Variants in ZNF774 observed in about 807,000 individuals in gnomAD.
The protein encoded by ZNF774 is zinc finger protein 774.
ZNF774 carries 14 observed loss-of-function variants against 11.1 expected under a neutral mutation model. The ratio of observed to expected loss-of-function variants is 1.26; its 90% CI spans 0.83 to 1.97. The LOEUF is 1.97. Among genes scored for constraint, ZNF774 ranks in the 30% most tolerant of loss-of-function variants. The pLI, the probability that ZNF774 is intolerant of heterozygous loss-of-function variation, is 0.00. For synonymous variants in ZNF774, 195 were observed against 212.6 expected, an observed-to-expected ratio of 0.92 and a Z score of 0.72; for missense variants, 599 against 587.0, an observed-to-expected ratio of 1.02 and a Z score of -0.21.
chr15:90,355,357 T>C (rs996055395), intron 2 of ZNF774: 2 of 456,028 alleles, frequency 4.4e-6, no homozygotes, highest in Non-Finnish European at 8.8e-6. Context: ...CCAGCCTGGG[T>C]TGGACTCTCA....
At chr15:90,354,561 C>G (rs1192284023) in intron 1 of ZNF774, 81 bp from the exon 2 acceptor site, 1 of 877,256 alleles carries the variant, frequency 1.1e-6, no homozygotes, top group Non-Finnish European at 1.8e-6. Context: ...TTTGTGTACA[C>G]TGGTGGCCAT....
intron 2 of ZNF774, among the ~76,000 whole-genome samples, chr15:90,357,531 C>CA (rs765125181): frequency 6.6e-6 from 1 of 151,782 alleles, no homozygotes; most frequent in South Asian, 2.1e-4. Context: ...ACACAAAACA[C>CA]AAAAAAAGAG....
intron 2 of ZNF774, among the ~76,000 whole-genome samples, chr15:90,356,325 C>T (rs1336436127): frequency 6.6e-6 from 1 of 151,888 alleles, no homozygotes; most frequent in Non-Finnish European, 1.5e-5. Context: ...ACTTCGGCCT[C>T]CCAAAGTGCT....
Position 90,360,582 on chromosome 15 carries a change from A to C in ZNF774, c.751A>C (p.Ile251Leu). 1 of 1,614,094 alleles carries C rather than the reference A, an allele frequency of 6.2e-7. No homozygotes were observed. Residue 251 changes from isoleucine (I) to leucine (L), a missense_variant, in exon 4 of 4, where the codon ATA becomes CTA. By Grantham distance (5) the Ile-to-Leu change is conservative. Transcript: ENST00000354377. Reference sequence around the variant, plus strand: ...GACTTTTGGGCGGAAGCCACACCTCATAATGCACCAAAGAACCCACACAGG... The same window carrying C: ...GACTTTTGGGCGGAAGCCACACCTCCTAATGCACCAAAGAACCCACACAGG... Reference protein sequence around the residue: ...GKTFGRKPHLIMHQRTHTGEK... With the variant: ...GKTFGRKPHLLMHQRTHTGEK...
intron 2 of ZNF774, chr15:90,355,377 C>G (rs1434544713): frequency 1.1e-5 from 5 of 455,930 alleles, no homozygotes; most frequent in Non-Finnish European, 2.2e-5. Context: ...ACCTCTGCCA[C>G]TTAACTTCTG....
intron 3 of ZNF774, among the ~76,000 whole-genome samples, 162 bp from the exon 4 acceptor site, chr15:90,359,881 G>A (rs746509714): frequency 6.6e-6 from 1 of 152,228 alleles, no homozygotes; most frequent in Non-Finnish European, 1.5e-5. Flanking sequence ...TGTTCTGACA[G>A]CTCAATGAAC....
rs1964336233 is a variant in ZNF774 at position 90,361,416 on chromosome 15, A to G, written c.*133A>G. ...GATCTATTCTCCCTCTTTCTTGTCT[A>G]TGTTATAACAGAGAGGATAAACTTA... On this transcript the variant is annotated 3_prime_UTR_variant, in exon 4 of 4. Coordinates refer to ENST00000354377, the MANE Select transcript of ZNF774 (RefSeq NM_001004309.3). 1 of 1,482,830 alleles carries G rather than the reference A, an allele frequency of 6.7e-7. No individual in the cohort carries two copies. The highest frequency in any genetic ancestry group is 8.9e-7 in the Non-Finnish European group (1 of 1,125,490). 91.9% of individuals were successfully genotyped at this position (1,482,830 alleles called of 1,614,324 possible). A position where few individuals can be genotyped will look rare whatever the true frequency, so the allele number is the denominator to read the frequency against.
chr15:90,354,078 A>ATT (rs763323815), intron 1 of ZNF774, among the ~76,000 whole-genome samples: 37,476 of 150,866 alleles, frequency 0.25, 5,067 homozygotes, highest in African/African-American at 0.36. Flanking sequence ...TTTTTTTTAA[A>ATT]AAAAAAATGT....
rs1375925871 is a variant in ZNF774, at chr15:90,360,635, T to A, written c.804T>A (p.Cys268Ter). ...TGEKPYACLE[C>*]HKSFSRSSNF... Reference sequence around the variant, plus strand: ...AGAAGCCCTACGCGTGCCTGGAATGTCACAAAAGCTTCAGTCGAAGCTCAA... The same window carrying A: ...AGAAGCCCTACGCGTGCCTGGAATGACACAAAAGCTTCAGTCGAAGCTCAA... Residue 268 changes from cysteine (C) to a stop codon, truncating the protein, a stop_gained, in exon 4 of 4, where the codon TGT (cysteine) becomes TGA (stop). Transcript: ENST00000354377. LOFTEE classifies it low-confidence loss of function (END_TRUNC). The A allele has an allele frequency of 1.2e-6, 2 of 1,614,132 alleles. No individual in the cohort carries two copies. Among genetic ancestry groups the A allele is most frequent in the Non-Finnish European group, 1.7e-6 (2 of 1,180,028 alleles).
In ZNF774 at chr15:90,362,134, G is replaced by A. The variant is rs902062368; in HGVS notation, c.*851G>A. On this transcript the variant is annotated 3_prime_UTR_variant, in exon 4 of 4. Transcript: ENST00000354377. ...GATTGGAACTAGAAGGTTTGGGGTT[G>A]GAATACACAAATTGAATAAAATGGA... 2 of 163,468 alleles carry A rather than the reference G, an allele frequency of 1.2e-5. No homozygotes were observed. The highest frequency in any genetic ancestry group is 4.8e-5 in the African/African-American group (2 of 41,822). 10.1% of individuals were successfully genotyped at this position (163,468 alleles called of 1,614,324 possible). A position where few individuals can be genotyped will look rare whatever the true frequency, so the allele number is the denominator to read the frequency against.
chr15:90,357,052 G>A (rs1964258937), intron 2 of ZNF774, among the ~76,000 whole-genome samples: 1 of 149,654 alleles, frequency 6.7e-6, no homozygotes, highest in African/African-American at 2.6e-5. Context: ...AGAATTCTCA[G>A]AATTAGAATT....
chr15:90,352,551 T>G (rs1399863122), intron 1 of ZNF774, 140 bp downstream of exon 1: 2 of 152,302 alleles, frequency 1.3e-5, no homozygotes, highest in Non-Finnish European at 2.9e-5. Context: ...TGCTGGGCTG[T>G]GGGAGAGGTA....
rs527521329 is a variant in ZNF774, at chr15:90,359,989, T to C, written c.212-54T>C. The C allele has an allele frequency of 7.9e-6, 12 of 1,522,718 alleles. No individual in the cohort carries two copies. The Middle Eastern group carries it at 7.2e-4, about 91-fold the overall frequency. 94.3% of individuals were successfully genotyped at this position (1,522,718 alleles called of 1,614,324 possible). A position where few individuals can be genotyped will look rare whatever the true frequency, so the allele number is the denominator to read the frequency against. ...TAATCTTTGTCACTGCTTTCTGATA[T>C]TCCTTCCTGATAACTGATAACTTTA... On this transcript the variant is annotated intron_variant, in intron 3 of 3. Coordinates refer to ENST00000354377, the MANE Select transcript of ZNF774 (RefSeq NM_001004309.3).
At chr15:90,353,210 G>A (rs1203888978) in intron 1 of ZNF774, among the ~76,000 whole-genome samples, 2 of 151,980 alleles carry the variant, frequency 1.3e-5, no homozygotes, top group South Asian at 2.1e-4. Context: ...CAGGTGATCC[G>A]CCCGTCTCGT....
At chr15:90,358,416 A>G (rs896888880) in intron 2 of ZNF774, among the ~76,000 whole-genome samples, 1 of 152,214 alleles carries the variant, frequency 6.6e-6, no homozygotes, top group African/African-American at 2.4e-5. Flanking sequence ...GCTACTTAAC[A>G]ACTGTTTGTC....
At chr15:90,353,073 T>TTC (rs2151680089) in intron 1 of ZNF774, among the ~76,000 whole-genome samples, 1 of 152,282 alleles carries the variant, frequency 6.6e-6, no homozygotes, top group South Asian at 2.1e-4. Context: ...GTTCAGGCGA[T>TTC]TCTCCTGCCT....
At chr15:90,356,547 C>T (rs935933928) in intron 2 of ZNF774, among the ~76,000 whole-genome samples, 1 of 152,076 alleles carries the variant, frequency 6.6e-6, no homozygotes, top group African/African-American at 2.4e-5. Flanking sequence ...AAAAGTCAAG[C>T]AAAATGAAAA....
chr15:90,360,942 G>T lies in ZNF774; in HGVS notation c.1111G>T (p.Gly371Cys), dbSNP rs1034124864. The T allele has an allele frequency of 6.2e-7, 1 of 1,614,072 alleles. No individual in the cohort carries two copies. Among genetic ancestry groups the T allele is most frequent in the Non-Finnish European group, 8.5e-7 (1 of 1,180,048 alleles). The change falls in exon 4 of 4, where the codon GGT (glycine) becomes TGT (cysteine). Residue 371 changes from glycine (G) to cysteine (C), a missense_variant. By Grantham distance (159) the Gly-to-Cys change is radical. Transcript: ENST00000354377. ...HLVTHQRTHT[G>C]ERPFKCENCG... Reference sequence around the variant, plus strand: ...GGTCACGCACCAAAGAACACACACAGGTGAGAGACCTTTTAAGTGCGAAAA... The same window carrying T: ...GGTCACGCACCAAAGAACACACACATGTGAGAGACCTTTTAAGTGCGAAAA...
At chr15:90,354,841 C>G in intron 2 of ZNF774, 77 bp downstream of exon 2, 2 of 1,249,952 alleles carry the variant, frequency 1.6e-6, no homozygotes, top group Non-Finnish European at 1.1e-6. Context: ...GTCATCCAGG[C>G]TGGAGTGCAG....
Sources: allele counts gnomAD v4.1 joint callset (sites outside exome capture counted in the v4.1 genomes callset), GRCh38; gene constraint gnomAD v4.1.1; transcripts MANE v1.5; gene names NCBI Gene and HGNC (gene_info 2026-07-23, HGNC 2026-07-21).